The following RRAS2 variants were observed in gnomAD, a reference collection of about 807,000 sequenced individuals.
RRAS2 encodes the protein RAS related 2, also known as ras-related protein R-Ras2.
Under a neutral mutation model 27.6 loss-of-function variants are expected in RRAS2, and 7 were observed. That is an observed-to-expected ratio of 0.25 (90% CI 0.14 to 0.48). The LOEUF (loss-of-function observed/expected upper bound fraction) is 0.48. Among genes scored for constraint, RRAS2 ranks in the 20% least tolerant of loss-of-function variants. The probability of loss-of-function intolerance (pLI) is 0.99; values close to 1 mark genes in which losing one functional copy is unlikely to be tolerated. For missense variants in RRAS2, 178 were observed against 256.2 expected (o/e 0.69, Z 2.08); for synonymous variants, 86 against 90.9 (o/e 0.95, Z 0.31).
At chr11:14,312,391 A>G (rs56155124) in intron 1 of RRAS2, among the ~76,000 whole-genome samples, 4,795 of 152,234 alleles carry the variant, frequency 0.031, 129 homozygotes, top group Non-Finnish European at 0.048. Context: ...TAAGAATAAA[A>G]CCAGCATAAT....
intron 1 of RRAS2, among the ~76,000 whole-genome samples, chr11:14,309,173 G>T (rs200947423): frequency 6.6e-6 from 1 of 151,848 alleles, no homozygotes; most frequent in African/African-American, 2.4e-5. Context: ...CCTCTATCCC[G>T]TTACCTACCA....
intron 1 of RRAS2, among the ~76,000 whole-genome samples, chr11:14,309,563 A>G (rs1400738786): frequency 6.6e-6 from 1 of 152,370 alleles, no homozygotes; most frequent in African/African-American, 2.4e-5. Flanking sequence ...ATACTGCATA[A>G]GATAGCCAGA....
intron 4 of RRAS2, among the ~76,000 whole-genome samples, chr11:14,290,606 T>G (rs1849785818): frequency 6.6e-6 from 1 of 152,162 alleles, no homozygotes; most frequent in African/African-American, 2.4e-5. Flanking sequence ...GGAGACAAAG[T>G]AGTACCAACA....
chr11:14,321,624 C>A (rs572922572), intron 1 of RRAS2, among the ~76,000 whole-genome samples: 3 of 152,144 alleles, frequency 2.0e-5, no homozygotes, highest in African/African-American at 7.2e-5. Context: ...AAAGGAAATA[C>A]CAGATTTAGC....
chr11:14,344,903 C>A (rs1486808321), intron 1 of RRAS2, among the ~76,000 whole-genome samples: 1 of 151,416 alleles, frequency 6.6e-6, no homozygotes, highest in Non-Finnish European at 1.5e-5. Flanking sequence ...TAACTAGATG[C>A]TATGGAACCA....
At chr11:14,352,236 C>A (rs1326481484) in intron 1 of RRAS2, among the ~76,000 whole-genome samples, 2 of 152,104 alleles carry the variant, frequency 1.3e-5, no homozygotes, top group African/African-American at 4.8e-5. Flanking sequence ...TTAGTATATA[C>A]CGACAATAAA....
In RRAS2 at chr11:14,299,636, T is replaced by C. The variant is rs1011878768; in HGVS notation, c.109-3781A>G. Among the ~76,000 whole-genome samples, 28 of 152,208 alleles carry C rather than the reference T, an allele frequency of 1.8e-4. 1 individual carries two copies. The highest frequency in any genetic ancestry group is 3.2e-3 in the Middle Eastern group (1 of 314). On this transcript the variant is annotated intron_variant, in intron 1 of 5. Coordinates refer to ENST00000256196, the MANE Select transcript of RRAS2 (RefSeq NM_012250.6). Reference sequence around the variant, plus strand: ...CCTTCAGCCAATTGTCCTTGCTCTCTTGATTTCACTCACTCATTTGTTCAG... The same window carrying C: ...CCTTCAGCCAATTGTCCTTGCTCTCCTGATTTCACTCACTCATTTGTTCAG...
chr11:14,354,211 G>A (rs1849024150), intron 1 of RRAS2, among the ~76,000 whole-genome samples: 1 of 152,126 alleles, frequency 6.6e-6, no homozygotes, highest in Non-Finnish European at 1.5e-5. Flanking sequence ...GCTGGGTCCA[G>A]ACTAACAGGT....
At position 14,279,137 on chromosome 11, in the gene RRAS2, A is replaced by C. The variant is rs1849450293; in HGVS notation, c.*200T>G. On this transcript the variant is annotated 3_prime_UTR_variant, in exon 6 of 6. Transcript: ENST00000256196. Reference sequence around the variant, plus strand: ...AAAGGAATCAGATAATCTTTGAAGCAGCCTTAGTGTTTCCTTTAAATTTGT... The same window carrying C: ...AAAGGAATCAGATAATCTTTGAAGCCGCCTTAGTGTTTCCTTTAAATTTGT... 1.9e-6 allele frequency: 1 copy of C among 529,830 alleles called. No homozygotes were observed. Among genetic ancestry groups the C allele is most frequent in the Admixed American group, 3.2e-5 (1 of 31,012 alleles). The allele number at this position is 529,830 out of a possible 1,614,324, so 32.8% of individuals were successfully genotyped here.
At chr11:14,309,921 C>G (rs1847921309) in intron 1 of RRAS2, among the ~76,000 whole-genome samples, 1 of 152,170 alleles carries the variant, frequency 6.6e-6, no homozygotes, top group Admixed American at 6.5e-5. Flanking sequence ...GTAATACTGG[C>G]TGCAGTCAGA....
In RRAS2 at chr11:14,294,840, T is replaced by C. The variant is rs1022051170; in HGVS notation, c.219A>G (p.Glu73=). 3.1e-6 allele frequency: 5 copies of C among 1,613,788 alleles called. No homozygotes were observed. The highest frequency in any genetic ancestry group is 4.2e-6 in the Non-Finnish European group (5 of 1,179,868). Residue 73 remains glutamate (E), a synonymous_variant, in exon 3 of 6, where the codon GAA becomes GAG. Coordinates refer to ENST00000256196, the MANE Select transcript of RRAS2 (RefSeq NM_012250.6). ...RLDILDTAGQ[E]EFGAMREQYM... ...ACTGTTCTCTCATGGCTCCAAACTC[T>C]TCTTGTCCTGCTGTATCCAAAACTA... is the stretch of plus-strand genomic sequence containing the variant.
In RRAS2 at chr11:14,333,626, ATC is replaced by A. The variant is rs1334075531; in HGVS notation, c.108+25135_108+25136del. On this transcript the variant is annotated intron_variant, in intron 1 of 5. Transcript: ENST00000256196. ...TTTTATAATCTGTTTTCATTTTATA[ATC>A]TGTTTTCCCCACCCCCACCCTGCCC... Among the ~76,000 whole-genome samples the A allele has an allele frequency of 3.3e-5, 5 of 151,310 alleles. No homozygotes were observed. The East Asian group carries it at 5.9e-4, about 18-fold the overall frequency.
chr11:14,340,059 G>C (rs1211032213), intron 1 of RRAS2, among the ~76,000 whole-genome samples: 8 of 150,490 alleles, frequency 5.3e-5, no homozygotes, highest in African/African-American at 4.9e-5. Context: ...TGGGGGTTGT[G>C]GGGGAGGTTG....
intron 1 of RRAS2, among the ~76,000 whole-genome samples, chr11:14,317,844 T>C (rs1554949742): frequency 6.6e-6 from 1 of 152,022 alleles, no homozygotes; most frequent in East Asian, 1.9e-4. Context: ...GGCTGGAGGA[T>C]CAATTCAGCC....
intron 4 of RRAS2, among the ~76,000 whole-genome samples, chr11:14,293,800 G>C (rs115636117): frequency 6.6e-6 from 1 of 151,990 alleles, no homozygotes; most frequent in Non-Finnish European, 1.5e-5. Flanking sequence ...ATGAACAGCC[G>C]GCATTAATAT....
rs1441767845 is a variant in RRAS2, at chr11:14,359,141, G to C, written c.-271C>G. ...GCGCTCCTCTACGCGTCTCCGCAGCGCCTGCCGAACGCAGCCTCCAGCGCC... is the reference window on the plus strand; with the variant it reads ...GCGCTCCTCTACGCGTCTCCGCAGCCCCTGCCGAACGCAGCCTCCAGCGCC... On this transcript the variant is annotated 5_prime_UTR_variant, in exon 1 of 6. Transcript: ENST00000256196. The C allele has an allele frequency of 9.7e-7, 1 of 1,030,200 alleles. No homozygotes were observed. Among genetic ancestry groups the C allele is most frequent in the Non-Finnish European group, 1.2e-6 (1 of 859,984 alleles). The allele number at this position is 1,030,200 out of a possible 1,614,324, so 63.8% of individuals were successfully genotyped here. A position where few individuals can be genotyped will look rare whatever the true frequency, so the allele number is the denominator to read the frequency against.
chr11:14,350,508 C>T (rs1848926749), intron 1 of RRAS2, among the ~76,000 whole-genome samples: 1 of 152,088 alleles, frequency 6.6e-6, no homozygotes, highest in African/African-American at 2.4e-5. Context: ...GAAGCAGATG[C>T]TAGTACTGTG....
intron 1 of RRAS2, among the ~76,000 whole-genome samples, chr11:14,310,520 ATAATT>A (rs1847936706): frequency 6.6e-6 from 1 of 152,220 alleles, no homozygotes; most frequent in African/African-American, 2.4e-5. Context: ...AGAGAAGAAA[ATAATT>A]TAAGAAGGAG....
intron 1 of RRAS2, among the ~76,000 whole-genome samples, chr11:14,317,451 G>C (rs1334900087): frequency 6.6e-6 from 1 of 152,056 alleles, no homozygotes; most frequent in African/African-American, 2.4e-5. Flanking sequence ...GTGGTGGTGG[G>C]TGCCTGTAAT....
Sources: gnomAD v4.1 joint callset for allele counts (sites outside exome capture counted in the v4.1 genomes callset) on GRCh38, gnomAD v4.1.1 for gene constraint, MANE v1.5 for transcripts, NCBI Gene and HGNC (gene_info 2026-07-23, HGNC 2026-07-21) for gene names.